Variants in CDK8 observed in about 807,000 individuals in gnomAD.
CDK8 encodes the protein cyclin dependent kinase 8.
A neutral mutation model predicts 71.5 loss-of-function variants in CDK8; 29 were observed. The ratio of observed to expected loss-of-function variants is 0.41; its 90% CI spans 0.30 to 0.55. The LOEUF is 0.55. Among genes scored for constraint, CDK8 ranks in the 20% least tolerant of loss-of-function variants. The pLI, the probability that CDK8 is intolerant of heterozygous loss-of-function variation, is 0.37. For synonymous variants in CDK8, 161 were observed against 192.1 expected (o/e 0.84, Z 1.34); for missense variants, 288 against 572.6 (o/e 0.50, Z 5.07).
intron 2 of CDK8, among the ~76,000 whole-genome samples, chr13:26,342,329 C>A (rs577620581): frequency 3.0e-4 from 46 of 152,298 alleles, no homozygotes; most frequent in Non-Finnish European, 5.9e-4. Flanking sequence ...TGCTGAAGTT[C>A]TTTTCGTCAC....
chr13:26,374,053 T>C (rs1260239967), intron 4 of CDK8, among the ~76,000 whole-genome samples: 1 of 146,382 alleles, frequency 6.8e-6, no homozygotes, highest in Admixed American at 6.8e-5. Context: ...AACAAAAAAT[T>C]AGCTGGGCGT....
At chr13:26,364,765 G>C (rs1365625072) in intron 4 of CDK8, among the ~76,000 whole-genome samples, 1 of 152,136 alleles carries the variant, frequency 6.6e-6, no homozygotes, top group Non-Finnish European at 1.5e-5. Flanking sequence ...TTTTAAAATA[G>C]CCATATATAC....
chr13:26,259,668 A>T (rs1871685890), intron 1 of CDK8, among the ~76,000 whole-genome samples: 4 of 152,192 alleles, frequency 2.6e-5, no homozygotes, highest in African/African-American at 7.2e-5. Context: ...TTGAGATTTC[A>T]TGCTTAAATT....
chr13:26,390,247 A>G (rs1479564682), intron 6 of CDK8, among the ~76,000 whole-genome samples: 8 of 152,196 alleles, frequency 5.3e-5, no homozygotes, highest in Non-Finnish European at 1.0e-4. Context: ...TTGAACATAC[A>G]GATAATTTGC....
chr13:26,313,731 G>A (rs951022432), intron 1 of CDK8, among the ~76,000 whole-genome samples: 2 of 152,134 alleles, frequency 1.3e-5, no homozygotes, highest in South Asian at 2.1e-4. Context: ...GATTTGAGGC[G>A]AGTGACTTGA....
At position 26,254,666 on chromosome 13, in the gene CDK8, C is replaced by T; in HGVS notation, c.25C>T (p.Leu9=). The T allele has an allele frequency of 6.2e-7, 1 of 1,611,808 alleles. No homozygotes were observed. The highest frequency in any genetic ancestry group is 8.5e-7 in the Non-Finnish European group (1 of 1,178,924). ...AATGGACTATGACTTTAAAGTGAAG[C>T]TGAGCAGCGAGCGGGAGCGGGTCGA... The part of the protein sequence containing the change: MDYDFKVK[L]SSERERVEDL... The change falls in exon 1 of 13, where the codon CTG becomes TTG. Residue 9 remains leucine (L), a synonymous_variant. Coordinates refer to ENST00000381527, the MANE Select transcript of CDK8 (RefSeq NM_001260.3). This position sits in a 1 kb window ranked among gnomAD's most constrained non-coding sequence, Gnocchi z 6.7.
At chr13:26,324,320 T>C (rs1293929262) in intron 1 of CDK8, among the ~76,000 whole-genome samples, 1 of 152,218 alleles carries the variant, frequency 6.6e-6, no homozygotes, top group Non-Finnish European at 1.5e-5. Context: ...ATAAAATATT[T>C]ACAGTTAGTA....
At chr13:26,379,141 T>C (rs1875094767) in intron 4 of CDK8, among the ~76,000 whole-genome samples, 1 of 152,208 alleles carries the variant, frequency 6.6e-6, no homozygotes, top group South Asian at 2.1e-4. Context: ...TAATGGAAAG[T>C]AACATGAGGA....
Position 26,275,366 on chromosome 13 carries a change from A to G in CDK8, c.128+20597A>G, listed in dbSNP as rs996061849. Among the ~76,000 whole-genome samples the G allele has an allele frequency of 5.9e-5, 9 of 152,218 alleles. No individual in the cohort carries two copies. The South Asian group carries it at 1.2e-3, about 21-fold the overall frequency. ...TGTATAGATAGATGAATTACTCTCC[A>G]TACTCAGCAATATGGTTATGTTTTT... On this transcript the variant is annotated intron_variant, in intron 1 of 12. Transcript: ENST00000381527.
At chr13:26,317,694 A>G (rs754870801) in intron 1 of CDK8, among the ~76,000 whole-genome samples, 3 of 152,222 alleles carry the variant, frequency 2.0e-5, no homozygotes, top group East Asian at 1.9e-4. Context: ...TTAAACTTCT[A>G]TTGGTTCAAA....
intron 2 of CDK8, among the ~76,000 whole-genome samples, chr13:26,341,414 C>T (rs906210391): frequency 1.1e-4 from 17 of 152,208 alleles, no homozygotes; most frequent in Admixed American, 1.1e-3. Flanking sequence ...CATGAGCCAT[C>T]GTGCCCGGCC....
At chr13:26,336,488 T>C (rs1872988747) in intron 1 of CDK8, among the ~76,000 whole-genome samples, 1 of 152,018 alleles carries the variant, frequency 6.6e-6, no homozygotes, top group Non-Finnish European at 1.5e-5. Flanking sequence ...ATAAAGGGGT[T>C]CTGGGACCAA....
At chr13:26,287,681 A>G (rs754831049) in intron 1 of CDK8, among the ~76,000 whole-genome samples, 2 of 152,202 alleles carry the variant, frequency 1.3e-5, no homozygotes, top group Admixed American at 6.5e-5. Context: ...GAACTTTTCC[A>G]TGCAACCACA....
chr13:26,335,920 T>TAACAACAAC (rs71080255), intron 1 of CDK8, among the ~76,000 whole-genome samples: 1,931 of 150,082 alleles, frequency 0.013, 29 homozygotes, highest in South Asian at 0.088. Context: ...TTCTCTTGCT[T>TAACAACAAC]AACAACAACA....
chr13:26,400,217 G>A (rs1001598718), intron 9 of CDK8: 6 of 441,024 alleles, frequency 1.4e-5, no homozygotes, highest in African/African-American at 1.2e-4. Flanking sequence ...GGATCCATTT[G>A]TTTAGTCAGA....
intron 9 of CDK8, among the ~76,000 whole-genome samples, chr13:26,399,490 G>A (rs1441106363): frequency 6.6e-6 from 1 of 152,190 alleles, no homozygotes; most frequent in Non-Finnish European, 1.5e-5. Flanking sequence ...TTCTCCAGGT[G>A]ATTCTCATGC....
At chr13:26,398,475 G>C (rs905314576) in intron 9 of CDK8, among the ~76,000 whole-genome samples, 1 of 152,040 alleles carries the variant, frequency 6.6e-6, no homozygotes, top group Non-Finnish European at 1.5e-5. Flanking sequence ...TTTTTACCAG[G>C]GTGACCCATC....
intron 7 of CDK8, among the ~76,000 whole-genome samples, chr13:26,395,411 A>AG (rs1402686021): frequency 1.0e-4 from 15 of 150,720 alleles, no homozygotes; most frequent in African/African-American, 3.7e-4. Context: ...TGAACCTGGG[A>AG]GGCAGAGGTT....
At chr13:26,345,192 A>G (rs1873412382) in intron 2 of CDK8, among the ~76,000 whole-genome samples, 1 of 152,198 alleles carries the variant, frequency 6.6e-6, no homozygotes, top group Non-Finnish European at 1.5e-5. Context: ...GTACGGTCAC[A>G]TTCCAAGGTA....
Sources: allele counts gnomAD v4.1 joint callset (sites outside exome capture counted in the v4.1 genomes callset), GRCh38; gene constraint gnomAD v4.1.1; non-coding constraint Gnocchi (gnomAD v3.1); transcripts MANE v1.5; gene names NCBI Gene and HGNC (gene_info 2026-07-23, HGNC 2026-07-21).